The following RARB variants were observed in gnomAD, a reference collection of about 807,000 sequenced individuals.
RARB encodes the protein retinoic acid receptor beta.
In RARB, 17 loss-of-function variants were observed where a neutral mutation model predicts 51.9. That is an observed-to-expected ratio of 0.33 (90% CI 0.22 to 0.49). The LOEUF (loss-of-function observed/expected upper bound fraction) is 0.49. Among genes scored for constraint, RARB ranks in the 20% least tolerant of loss-of-function variants. The pLI is 0.99. For missense variants in RARB, 369 were observed against 550.8 expected (o/e 0.67, Z 3.30); for synonymous variants, 215 against 195.4 (o/e 1.10, Z -0.84).
intron 2 of RARB, among the ~76,000 whole-genome samples, chr3:24,961,077 G>A (rs1173854402): frequency 1.3e-5 from 2 of 152,094 alleles, no homozygotes; most frequent in Non-Finnish European, 2.9e-5. Context: ...TAAGAGACTT[G>A]AGAAAGCATT....
At chr3:25,093,090 G>A (rs1381802782) in intron 3 of RARB, among the ~76,000 whole-genome samples, 3 of 152,086 alleles carry the variant, frequency 2.0e-5, no homozygotes, top group African/African-American at 7.2e-5. Context: ...TCATGCTCTG[G>A]TACAGGTGGG....
intron 2 of RARB, among the ~76,000 whole-genome samples, chr3:24,905,676 A>G (rs17015440): frequency 0.014 from 2,074 of 152,324 alleles, 51 homozygotes; most frequent in African/African-American, 0.048. Flanking sequence ...CTGGAGGTGC[A>G]GTAGTCATCT....
At chr3:25,176,226 G>C (rs1180099877) in intron 5 of RARB, among the ~76,000 whole-genome samples, 1 of 151,646 alleles carries the variant, frequency 6.6e-6, no homozygotes, top group Non-Finnish European at 1.5e-5. Context: ...GAAACCTCTA[G>C]GTTCCCAAAA....
At chr3:24,901,838 C>T (rs1703612724) in intron 2 of RARB, among the ~76,000 whole-genome samples, 1 of 152,062 alleles carries the variant, frequency 6.6e-6, no homozygotes, top group African/African-American at 2.4e-5. Context: ...GTAGGGCCAA[C>T]ATCTTATTGA....
intron 2 of RARB, among the ~76,000 whole-genome samples, chr3:24,979,241 G>A (rs1169745628): frequency 1.3e-5 from 2 of 152,194 alleles, no homozygotes; most frequent in African/African-American, 2.4e-5. Flanking sequence ...GATTTGGGGT[G>A]GAAAGTTCTG....
chr3:25,313,428 C>A (rs1050409049), intron 5 of RARB, among the ~76,000 whole-genome samples: 1 of 152,164 alleles, frequency 6.6e-6, no homozygotes, highest in Non-Finnish European at 1.5e-5. Context: ...AATGCTTATG[C>A]CTAATGTAGG....
intron 2 of RARB, among the ~76,000 whole-genome samples, chr3:24,924,788 C>T (rs1401879350): frequency 1.3e-5 from 2 of 152,130 alleles, no homozygotes; most frequent in African/African-American, 2.4e-5. Flanking sequence ...AAACCTAGCT[C>T]TACCACGTGT....
intron 2 of RARB, among the ~76,000 whole-genome samples, chr3:25,011,287 G>A (rs955537274): frequency 6.6e-6 from 1 of 152,118 alleles, no homozygotes; most frequent in African/African-American, 2.4e-5. Flanking sequence ...GGAAGTTGAG[G>A]AGAGGTTGCA....
At chr3:25,286,190 G>A (rs1035796476) in intron 5 of RARB, among the ~76,000 whole-genome samples, 2 of 122,260 alleles carry the variant, frequency 1.6e-5, no homozygotes, top group Non-Finnish European at 1.7e-5. Context: ...CCGGGTTCAC[G>A]CCATTCTCCT....
At chr3:25,332,552 A>T (rs992541404) in intron 5 of RARB, among the ~76,000 whole-genome samples, 1 of 152,198 alleles carries the variant, frequency 6.6e-6, no homozygotes, top group Admixed American at 6.5e-5. Context: ...ATTTATGACG[A>T]ACCCACAGCC....
chr3:24,966,180 G>A (rs1247061225), intron 2 of RARB, among the ~76,000 whole-genome samples: 1 of 151,568 alleles, frequency 6.6e-6, no homozygotes, highest in African/African-American at 2.4e-5. Context: ...CTTGATTGTA[G>A]AGACATTCCA....
In RARB at chr3:25,418,653, C is replaced by T. The variant is rs191578699; in HGVS notation, c.179-42540C>T. 3.8e-4 allele frequency among the ~76,000 whole-genome samples: 58 copies of T among 152,018 alleles called. 1 individual carries two copies. The highest frequency in any genetic ancestry group is 1.3e-3 in the African/African-American group (53 of 41,470). On this transcript the variant is annotated intron_variant, in intron 5 of 11. Transcript: ENST00000383772. ...ACTTGTTAAAGGTGGTAAGGGGGGA[C>T]CATGACAACAGCTATAGGAGAAGAG... is the stretch of plus-strand genomic sequence containing the variant.
intron 5 of RARB, among the ~76,000 whole-genome samples, chr3:25,275,730 A>G (rs1703366033): frequency 6.7e-6 from 1 of 148,584 alleles, no homozygotes; most frequent in African/African-American, 2.5e-5. Flanking sequence ...TCAAATGAGA[A>G]CACTTGGACA....
chr3:25,282,449 G>A (rs763493005), intron 5 of RARB, among the ~76,000 whole-genome samples: 3 of 151,990 alleles, frequency 2.0e-5, no homozygotes, highest in Non-Finnish European at 4.4e-5. Flanking sequence ...CACTTTTGAT[G>A]CCCCTTATAC....
chr3:25,120,451 C>T (rs1699764366), intron 3 of RARB, among the ~76,000 whole-genome samples: 1 of 151,352 alleles, frequency 6.6e-6, no homozygotes, highest in Non-Finnish European at 1.5e-5. Flanking sequence ...TAGTTATAAA[C>T]TTTAACCAGT....
intron 3 of RARB, among the ~76,000 whole-genome samples, chr3:25,094,049 G>A (rs547162907): frequency 6.6e-5 from 10 of 152,320 alleles, no homozygotes; most frequent in African/African-American, 2.4e-4. Context: ...TAGCTTGTAA[G>A]TGGGTATGGT....
At chr3:25,535,188 A>G (rs1699088990) in intron 3 of RARB, among the ~76,000 whole-genome samples, 1 of 152,216 alleles carries the variant, frequency 6.6e-6, no homozygotes, top group Admixed American at 6.5e-5. Flanking sequence ...TGGATCAGTC[A>G]TTCTAAAACT....
At chr3:25,074,146 T>C (rs1698825393) in intron 3 of RARB, among the ~76,000 whole-genome samples, 1 of 152,244 alleles carries the variant, frequency 6.6e-6, no homozygotes, top group Admixed American at 6.5e-5. Context: ...GTGTATGTTT[T>C]CAATTCATAA....
intron 5 of RARB, among the ~76,000 whole-genome samples, chr3:25,283,628 C>T (rs1311676651): frequency 6.6e-6 from 1 of 152,210 alleles, no homozygotes; most frequent in Non-Finnish European, 1.5e-5. Flanking sequence ...GACTGTTTCT[C>T]TCCCTGACAC....
Sources: allele counts gnomAD v4.1 joint callset (sites outside exome capture counted in the v4.1 genomes callset), GRCh38; gene constraint gnomAD v4.1.1; transcripts MANE v1.5; gene names NCBI Gene and HGNC (gene_info 2026-07-23, HGNC 2026-07-21).